The following LHFPL3 variants were observed in gnomAD, a reference collection of about 807,000 sequenced individuals.
The protein encoded by LHFPL3 is LHFPL tetraspan subfamily member 3 protein.
LHFPL3 carries 5 observed loss-of-function variants against 19.3 expected under a neutral mutation model. That is an observed-to-expected ratio of 0.26 (90% CI 0.14 to 0.54). LHFPL3 has a LOEUF of 0.54. Among genes scored for constraint, LHFPL3 ranks in the 20% least tolerant of loss-of-function variants. The pLI is 0.94. For synonymous variants in LHFPL3, 133 were observed against 126.2 expected, an observed-to-expected ratio of 1.05 and a Z score of -0.36; for missense variants, 249 against 307.4, an observed-to-expected ratio of 0.81 and a Z score of 1.42.
At chr7:104,676,353 A>G (rs1792591915) in intron 1 of LHFPL3, among the ~76,000 whole-genome samples, 1 of 152,238 alleles carries the variant, frequency 6.6e-6, no homozygotes, top group African/African-American at 2.4e-5. Context: ...ATACATATGA[A>G]CAAGTATGAA....
rs746402758 is a variant in LHFPL3, at chr7:104,890,935, G to A, written c.683-15252G>A. ...AGCAGCGCCCCAGCTCCCCAGCCTC[G>A]TGCCTGCAACAGAGTAGGTGGTCAC... is the stretch of plus-strand genomic sequence containing the variant. On this transcript the variant is annotated intron_variant, in intron 2 of 2. Transcript: ENST00000424859. Among the ~76,000 whole-genome samples the A allele has an allele frequency of 5.0e-4, 76 of 152,180 alleles. No homozygotes were observed. The Middle Eastern group carries it at 0.02, about 41-fold the overall frequency.
chr7:104,517,609 C>T (rs1313095322), intron 1 of LHFPL3, among the ~76,000 whole-genome samples: 6 of 150,576 alleles, frequency 4.0e-5, no homozygotes, highest in African/African-American at 1.2e-4. Flanking sequence ...CAGGTTCAAG[C>T]GATCTTCCTG....
intron 1 of LHFPL3, among the ~76,000 whole-genome samples, chr7:104,564,295 T>C (rs1436551931): frequency 6.6e-6 from 1 of 152,192 alleles, no homozygotes; most frequent in Non-Finnish European, 1.5e-5. Flanking sequence ...GCTAATCACA[T>C]CCCAGATGCA....
At chr7:104,338,632 T>C (rs1181255422) in intron 1 of LHFPL3, among the ~76,000 whole-genome samples, 1 of 152,232 alleles carries the variant, frequency 6.6e-6, no homozygotes, top group East Asian at 1.9e-4. Context: ...GTAGATTAGA[T>C]AAAATATACT....
intron 1 of LHFPL3, among the ~76,000 whole-genome samples, chr7:104,640,326 G>A (rs1007489465): frequency 4.6e-5 from 7 of 152,084 alleles, no homozygotes; most frequent in Non-Finnish European, 7.3e-5. Flanking sequence ...CTGTGTCCAC[G>A]TGTTTTCATT....
At chr7:104,396,924 C>T (rs377493423) in intron 1 of LHFPL3, among the ~76,000 whole-genome samples, 1 of 151,982 alleles carries the variant, frequency 6.6e-6, no homozygotes, top group Admixed American at 6.6e-5. Flanking sequence ...GAGCCGAGAT[C>T]GCAACATTGC....
intron 1 of LHFPL3, chr7:104,669,230 G>A: frequency 6.2e-7 from 1 of 1,613,998 alleles, no homozygotes; most frequent in Non-Finnish European, 8.5e-7. Context: ...CGATCTCAGA[G>A]CTCAGACACA....
intron 1 of LHFPL3, among the ~76,000 whole-genome samples, chr7:104,701,312 A>G (rs893343948): frequency 6.6e-6 from 1 of 152,108 alleles, no homozygotes; most frequent in African/African-American, 2.4e-5. Flanking sequence ...TAAGGGCACC[A>G]ACCGCTCTCC....
At chr7:104,612,115 T>A (rs900569037) in intron 1 of LHFPL3, among the ~76,000 whole-genome samples, 2 of 152,310 alleles carry the variant, frequency 1.3e-5, no homozygotes, top group Non-Finnish European at 2.9e-5. Context: ...GTGTGAAACA[T>A]TAAGGGACAT....
intron 1 of LHFPL3, among the ~76,000 whole-genome samples, chr7:104,508,155 C>G (rs919523401): frequency 1.3e-5 from 2 of 152,070 alleles, no homozygotes; most frequent in South Asian, 4.2e-4. Flanking sequence ...AAGACACGTG[C>G]ACACGTATGT....
chr7:104,358,116 A>G (rs1337785239), intron 1 of LHFPL3, among the ~76,000 whole-genome samples: 2 of 152,208 alleles, frequency 1.3e-5, no homozygotes, highest in Non-Finnish European at 2.9e-5. Flanking sequence ...AATATCCAGA[A>G]GAGACACATT....
At chr7:104,389,659 A>G (rs1236974677) in intron 1 of LHFPL3, among the ~76,000 whole-genome samples, 2 of 152,226 alleles carry the variant, frequency 1.3e-5, no homozygotes, top group African/African-American at 4.8e-5. Flanking sequence ...TGACATAAGG[A>G]TAGACATATA....
At chr7:104,572,209 T>C (rs1186457823) in intron 1 of LHFPL3, among the ~76,000 whole-genome samples, 2 of 152,356 alleles carry the variant, frequency 1.3e-5, no homozygotes, top group South Asian at 2.1e-4. Context: ...TTTTTGCCAT[T>C]GCGTGTAGTG....
chr7:104,614,684 T>C (rs7784612), intron 1 of LHFPL3, among the ~76,000 whole-genome samples: 7,784 of 40,362 alleles, frequency 0.19, 917 homozygotes, highest in Non-Finnish European at 0.21. Context: ...TCCTTCCTTC[T>C]TTCTTTCTTT....
intron 1 of LHFPL3, among the ~76,000 whole-genome samples, chr7:104,614,680 C>CTTCCTTCCTTCCTTCCTTCTTTCTTTCT (rs767634683): frequency 2.1e-5 from 2 of 94,494 alleles, no homozygotes; most frequent in Admixed American, 1.1e-4. Context: ...TCCTTCCTTC[C>CTTCCTTCCTTCCTTCCTTCTTTCTTTCT]TTCTTTCTTT....
At chr7:104,553,277 C>T (rs1794694911) in intron 1 of LHFPL3, among the ~76,000 whole-genome samples, 1 of 152,056 alleles carries the variant, frequency 6.6e-6, no homozygotes, top group South Asian at 2.1e-4. Flanking sequence ...AGGATTTGGC[C>T]TTCAGATTAA....
chr7:104,876,922 T>C (rs1489561633), intron 2 of LHFPL3, among the ~76,000 whole-genome samples: 1 of 152,170 alleles, frequency 6.6e-6, no homozygotes, highest in African/African-American at 2.4e-5. Context: ...GTGGCACATA[T>C]ACACCATGGA....
chr7:104,894,936 C>T (rs144609647), intron 2 of LHFPL3: 1 of 152,324 alleles, frequency 6.6e-6, no homozygotes, highest in East Asian at 1.9e-4. Context: ...TAATCTTACA[C>T]TTGAGTGTAC....
chr7:104,460,197 T>C (rs1792629726), intron 1 of LHFPL3, among the ~76,000 whole-genome samples: 2 of 152,244 alleles, frequency 1.3e-5, no homozygotes, highest in Admixed American at 1.3e-4. Flanking sequence ...TTTTTATGAC[T>C]GCATAGTATT....
Sources: gnomAD v4.1 joint callset for allele counts (sites outside exome capture counted in the v4.1 genomes callset) on GRCh38, gnomAD v4.1.1 for gene constraint, MANE v1.5 for transcripts, NCBI Gene and HGNC (gene_info 2026-07-23, HGNC 2026-07-21) for gene names.